The following NCAM1 variants were observed in gnomAD, a reference collection of about 807,000 sequenced individuals.
NCAM1 encodes the protein antigen recognized by monoclonal antibody 5.1H11.
NCAM1 carries 14 observed loss-of-function variants against 109.8 expected under a neutral mutation model. The ratio of observed to expected loss-of-function variants is 0.13; its 90% CI spans 0.08 to 0.20. The LOEUF is 0.20. Among genes scored for constraint, NCAM1 ranks in the 10% least tolerant of loss-of-function variants. The probability of loss-of-function intolerance (pLI) is 1.00; values close to 1 mark genes in which losing one functional copy is unlikely to be tolerated. For synonymous variants in NCAM1, 418 were observed against 442.9 expected (o/e 0.94, Z 0.70); for missense variants, 774 against 1,109.9 (o/e 0.70, Z 4.30).
chr11:113,153,751 A>C (rs1942318798), intron 1 of NCAM1, among the ~76,000 whole-genome samples: 1 of 152,170 alleles, frequency 6.6e-6, no homozygotes, highest in African/African-American at 2.4e-5. Context: ...GGGTAATGGA[A>C]GGAAAAGGAT....
intron 1 of NCAM1, among the ~76,000 whole-genome samples, chr11:113,013,319 G>A (rs186039980): frequency 5.3e-5 from 8 of 151,518 alleles, no homozygotes; most frequent in Non-Finnish European, 7.4e-5. Context: ...CCAGCTACCC[G>A]GGAGGCTGAG....
At chr11:112,980,103 A>G (rs1345007967) in intron 1 of NCAM1, among the ~76,000 whole-genome samples, 3 of 151,898 alleles carry the variant, frequency 2.0e-5, no homozygotes, top group Non-Finnish European at 4.4e-5. Context: ...TGTCAACATC[A>G]TTAGCCATCA....
chr11:112,974,828 T>TGC (rs1462373873), intron 1 of NCAM1, among the ~76,000 whole-genome samples: 1 of 151,690 alleles, frequency 6.6e-6, no homozygotes, highest in African/African-American at 2.4e-5. Context: ...TGTGTGTGTG[T>TGC]GTGTATGTAT....
intron 1 of NCAM1, among the ~76,000 whole-genome samples, chr11:113,105,487 A>G (rs2135906616): frequency 6.6e-6 from 1 of 152,384 alleles, no homozygotes; most frequent in Non-Finnish European, 1.5e-5. Context: ...CGTTACTCAC[A>G]GTAGCTGAGA....
chr11:113,180,796 T>C (rs573580562), intron 1 of NCAM1, among the ~76,000 whole-genome samples: 1 of 152,340 alleles, frequency 6.6e-6, no homozygotes, highest in East Asian at 1.9e-4. Context: ...CTGTGTAATA[T>C]TGAGCAATTT....
At chr11:112,965,125 T>C (rs10891482) in intron 1 of NCAM1, among the ~76,000 whole-genome samples, 16,814 of 152,180 alleles carry the variant, frequency 0.11, 1,102 homozygotes, top group East Asian at 0.31. Flanking sequence ...TATTCTTGTT[T>C]AGTAAAGGAG....
chr11:113,180,525 T>C (rs1308530213), intron 1 of NCAM1, among the ~76,000 whole-genome samples: 1 of 152,246 alleles, frequency 6.6e-6, no homozygotes, highest in Non-Finnish European at 1.5e-5. Flanking sequence ...TAAAGCCTGA[T>C]GTAGGAGCCC....
rs147861976 is a variant in NCAM1, at chr11:113,135,411, C to T, written c.53-66968C>T. On this transcript the variant is annotated intron_variant, in intron 1 of 19. Coordinates refer to ENST00000316851, the MANE Select transcript of NCAM1 (RefSeq NM_181351.5). ...AGAAAACAGACTTGGGCAACAGGGT[C>T]TGCAGAGATTGAGCATGGGAAGTGC... Among the ~76,000 whole-genome samples the T allele has an allele frequency of 2.2e-4, 34 of 152,222 alleles. No homozygotes were observed. The South Asian group carries it at 5.2e-3, about 23-fold the overall frequency.
At chr11:112,997,932 G>A (rs77426866) in intron 1 of NCAM1, among the ~76,000 whole-genome samples, 1 of 152,040 alleles carries the variant, frequency 6.6e-6, no homozygotes, top group Non-Finnish European at 1.5e-5. Flanking sequence ...CTTTTGCTTC[G>A]ATCCTTTCCA....
chr11:113,167,653 G>A (rs782692255), intron 1 of NCAM1, among the ~76,000 whole-genome samples: 3 of 152,074 alleles, frequency 2.0e-5, no homozygotes, highest in Non-Finnish European at 2.9e-5. Context: ...GTGTGCAGAA[G>A]TCTGCAGAAG....
At chr11:112,987,740 A>T (rs544353162) in intron 1 of NCAM1, among the ~76,000 whole-genome samples, 12 of 151,992 alleles carry the variant, frequency 7.9e-5, no homozygotes, top group Non-Finnish European at 1.8e-4. Context: ...TTTGCATGAG[A>T]TCTTTTTCTA....
chr11:113,167,485 A>G (rs1942842025), intron 1 of NCAM1, among the ~76,000 whole-genome samples: 2 of 150,316 alleles, frequency 1.3e-5, no homozygotes, highest in South Asian at 2.1e-4. Flanking sequence ...GTCATTTGCT[A>G]TAGGGGCAGT....
intron 8 of NCAM1, among the ~76,000 whole-genome samples, chr11:113,216,842 G>A (rs1178758967): frequency 1.3e-5 from 2 of 152,132 alleles, no homozygotes; most frequent in Non-Finnish European, 2.9e-5. Context: ...CTTACACTGT[G>A]GATAGCTAAT....
At chr11:113,246,192 T>G in intron 14 of NCAM1, 176 bp from the exon 15 acceptor site, 1 of 557,940 alleles carries the variant, frequency 1.8e-6, no homozygotes, top group Non-Finnish European at 3.2e-6. Context: ...ATTTAGTCTG[T>G]GATTTTGTTG....
chr11:113,110,068 A>G (rs1399506490), intron 1 of NCAM1, among the ~76,000 whole-genome samples: 4 of 152,190 alleles, frequency 2.6e-5, no homozygotes, highest in African/African-American at 9.6e-5. Flanking sequence ...CATGGAGCTA[A>G]TAGTCGTGTT....
At chr11:113,067,561 C>T (rs989988225) in intron 1 of NCAM1, among the ~76,000 whole-genome samples, 5 of 152,278 alleles carry the variant, frequency 3.3e-5, no homozygotes, top group East Asian at 3.9e-4. Context: ...ATTTGACTCA[C>T]GAATATTGTC....
At chr11:113,201,437 T>C (rs1228204850) in intron 1 of NCAM1, among the ~76,000 whole-genome samples, 1 of 152,178 alleles carries the variant, frequency 6.6e-6, no homozygotes, top group Non-Finnish European at 1.5e-5. Context: ...ACCAAATACC[T>C]GTTTGCCTTT....
chr11:113,194,789 T>C (rs1293778648), intron 1 of NCAM1, among the ~76,000 whole-genome samples: 1 of 152,204 alleles, frequency 6.6e-6, no homozygotes, highest in Non-Finnish European at 1.5e-5. Flanking sequence ...GCTTTACGCC[T>C]CAGGGGAAAC....
At chr11:113,145,330 C>T (rs782513475) in intron 1 of NCAM1, among the ~76,000 whole-genome samples, 12 of 152,244 alleles carry the variant, frequency 7.9e-5, no homozygotes, top group Middle Eastern at 3.4e-3. Context: ...AAAGCACAAA[C>T]GGCAAAAACA....
Sources: allele counts gnomAD v4.1 joint callset (sites outside exome capture counted in the v4.1 genomes callset), GRCh38; gene constraint gnomAD v4.1.1; transcripts MANE v1.5; gene names NCBI Gene and HGNC (gene_info 2026-07-23, HGNC 2026-07-21).